Variants in ACKR2 observed in about 807,000 individuals in gnomAD.
The protein encoded by ACKR2 is atypical chemokine receptor 2, also known as C-C chemokine receptor D6.
For missense variants in ACKR2, 457 were observed against 477.3 expected, an observed-to-expected ratio of 0.96 and a Z score of 0.40; for synonymous variants, 207 against 192.2, an observed-to-expected ratio of 1.08 and a Z score of -0.64.
intron 2 of ACKR2, among the ~76,000 whole-genome samples, chr3:42,845,365 T>C (rs1351415788): frequency 3.3e-5 from 5 of 150,812 alleles, no homozygotes; most frequent in Non-Finnish European, 7.4e-5. Context: ...AATTAACACT[T>C]GATTGATTGA....
intron 2 of ACKR2, among the ~76,000 whole-genome samples, chr3:42,856,855 C>T (rs1169638425): frequency 2.2e-5 from 3 of 139,450 alleles, no homozygotes; most frequent in Non-Finnish European, 1.6e-5. Context: ...GGTGAATGCT[C>T]TTTGTTCAAT....
intron 2 of ACKR2, among the ~76,000 whole-genome samples, chr3:42,854,916 G>A (rs1409443189): frequency 6.6e-6 from 1 of 150,846 alleles, no homozygotes; most frequent in African/African-American, 2.4e-5. Context: ...TAGTGCAATG[G>A]TGTGATCTCA....
intron 1 of ACKR2, among the ~76,000 whole-genome samples, chr3:42,816,261 C>A (rs937730257): frequency 5.3e-5 from 8 of 150,470 alleles, no homozygotes; most frequent in African/African-American, 2.0e-4. Flanking sequence ...CTGAGGGTTT[C>A]CATAAAAATC....
intron 2 of ACKR2, chr3:42,856,584 A>G: frequency 1.8e-6 from 1 of 545,936 alleles, no homozygotes; most frequent in Non-Finnish European, 3.2e-6. Flanking sequence ...TGAGCATCCC[A>G]CCCATTAAAA....
chr3:42,865,629 A>T lies in ACKR2; in HGVS notation c.1127A>T (p.Lys376Met), dbSNP rs771903238. 1 of 1,612,478 alleles carries T rather than the reference A, an allele frequency of 6.2e-7. No homozygotes were observed. The highest frequency in any genetic ancestry group is 8.5e-7 in the Non-Finnish European group (1 of 1,179,112). ...GERQSENYPN[K>M]EDVGNKSA is the part of the protein sequence containing the mutation. ...AGGCAGTCTGAGAACTACCCTAACA[A>T]GGAGGATGTGGGGAATAAATCAGCC... The change falls in exon 3 of 3, where the codon AAG becomes ATG. Residue 376 changes from lysine (K) to methionine (M), a missense_variant. Physicochemically the swap from Lys to Met is moderately conservative, Grantham distance 95. Coordinates refer to ENST00000422265, the MANE Select transcript of ACKR2 (RefSeq NM_001296.5).
intron 1 of ACKR2, among the ~76,000 whole-genome samples, chr3:42,816,208 G>A (rs971636902): frequency 2.4e-4 from 37 of 151,764 alleles, no homozygotes; most frequent in Non-Finnish European, 4.3e-4. Flanking sequence ...GTGTGTGTGT[G>A]TGTGTGTGTG....
At chr3:42,861,600 A>T (rs1468927249) in intron 2 of ACKR2, among the ~76,000 whole-genome samples, 1 of 152,222 alleles carries the variant, frequency 6.6e-6, no homozygotes, top group Non-Finnish European at 1.5e-5. Context: ...ATGAACATCG[A>T]TGCAAAAATC....
At chr3:42,820,592 CAAA>C (rs749184218) in intron 2 of ACKR2, among the ~76,000 whole-genome samples, 3 of 69,796 alleles carry the variant, frequency 4.3e-5, no homozygotes, top group Admixed American at 1.7e-4. Context: ...GACTCTGTCT[CAAA>C]AAAAAAAAAA....
chr3:42,833,206 G>T (rs1266842788), intron 2 of ACKR2, among the ~76,000 whole-genome samples: 1 of 152,128 alleles, frequency 6.6e-6, no homozygotes, highest in Non-Finnish European at 1.5e-5. Flanking sequence ...TCACTAAGTT[G>T]CCCAGCCTTA....
At chr3:42,809,977 TAGAC>T (rs1276470290) in intron 1 of ACKR2, among the ~76,000 whole-genome samples, 1 of 152,048 alleles carries the variant, frequency 6.6e-6, no homozygotes, top group Non-Finnish European at 1.5e-5. Context: ...GTATGACAGA[TAGAC>T]AGGAGGGTAA....
chr3:42,819,918 A>C (rs1308077200), intron 2 of ACKR2, among the ~76,000 whole-genome samples: 2 of 152,068 alleles, frequency 1.3e-5, no homozygotes, highest in African/African-American at 2.4e-5. Context: ...TCTCTCCCAA[A>C]TATTAGGGCT....
chr3:42,830,819 G>A, intron 2 of ACKR2, among the ~76,000 whole-genome samples: 1 of 151,800 alleles, frequency 6.6e-6, no homozygotes, highest in Non-Finnish European at 1.5e-5. Context: ...AAAATCAGGT[G>A]CATTCTATAT....
Position 42,865,002 on chromosome 3 carries a change from T to C in ACKR2, c.500T>C (p.Ile167Thr), listed in dbSNP as rs1182811325. 4 of 1,614,036 alleles carry C rather than the reference T, an allele frequency of 2.5e-6. No homozygotes were observed. The African/African-American group carries it at 5.3e-5, about 22-fold the overall frequency. The change falls in exon 3 of 3, where the codon ATA (isoleucine) becomes ACA (threonine). Residue 167 changes from isoleucine (I) to threonine (T), a missense_variant. Transcript: ENST00000422265. ...TRAKSLLLATIVWAVSLAVSI... is the reference protein window; with the variant it reads ...TRAKSLLLATTVWAVSLAVSI... ...GCCAAGAGCCTGCTCCTTGCTACCA[T>C]AGTATGGGCTGTGTCCCTGGCCGTC... is the stretch of plus-strand genomic sequence containing the variant.
intron 2 of ACKR2, among the ~76,000 whole-genome samples, chr3:42,821,473 C>T (rs913203207): frequency 1.3e-5 from 2 of 152,120 alleles, no homozygotes; most frequent in African/African-American, 4.8e-5. Context: ...TGTCTCTGAT[C>T]ATTTAAACAA....
At chr3:42,827,126 A>T (rs1167995258) in intron 2 of ACKR2, among the ~76,000 whole-genome samples, 1 of 152,202 alleles carries the variant, frequency 6.6e-6, no homozygotes, top group African/African-American at 2.4e-5. Context: ...GAGACTTGTT[A>T]TATGGCCTAA....
chr3:42,862,652 CA>C (rs2088396814), intron 2 of ACKR2, among the ~76,000 whole-genome samples: 1 of 152,096 alleles, frequency 6.6e-6, no homozygotes, highest in Admixed American at 6.6e-5. Flanking sequence ...GTACTGCTAC[CA>C]AAACAGATAT....
intron 2 of ACKR2, among the ~76,000 whole-genome samples, chr3:42,850,124 C>G (rs12635458): frequency 0.27 from 40,849 of 151,938 alleles, 7,123 homozygotes; most frequent in East Asian, 0.6. Flanking sequence ...GACCCTGTGG[C>G]TCTTGTTGGG....
At chr3:42,851,052 T>A (rs1701152342) in intron 2 of ACKR2, 1 of 152,338 alleles carries the variant, frequency 6.6e-6, no homozygotes, top group African/African-American at 2.4e-5. Context: ...GGAAGGCCCT[T>A]CAGGTAGACA....
intron 2 of ACKR2, among the ~76,000 whole-genome samples, chr3:42,859,602 C>T (rs534385528): frequency 1.4e-4 from 21 of 152,088 alleles, no homozygotes; most frequent in South Asian, 4.2e-4. Flanking sequence ...AGGATGGTCT[C>T]GATCTCCTGA....
Sources: allele counts gnomAD v4.1 joint callset (sites outside exome capture counted in the v4.1 genomes callset), GRCh38; gene constraint gnomAD v4.1.1; transcripts MANE v1.5; gene names NCBI Gene and HGNC (gene_info 2026-07-23, HGNC 2026-07-21).